Variants in DRC11 observed in about 807,000 individuals in gnomAD.
The protein encoded by DRC11 is dynein regulatory complex subunit 11, also known as IQ and AAA domain-containing protein 1.
At chr2:236,464,110 G>A in the DRC11 span, among the ~76,000 whole-genome samples, 2 of 152,226 alleles carry the variant, frequency 1.3e-5, no homozygotes, top group Non-Finnish European at 2.9e-5. Context: ...AAGGTGAGCA[G>A]GATGAAAGTG....
the DRC11 span, chr2:236,419,018 T>C: frequency 1.3e-5 from 18 of 1,349,396 alleles, no homozygotes; most frequent in South Asian, 1.9e-5. The surrounding 1 kb of genome is among the most constrained non-coding windows in gnomAD (Gnocchi z 4.8). Context: ...TGTTGGTAGA[T>C]AACATGGTTT....
chr2:236,381,236 C>T, the DRC11 span, among the ~76,000 whole-genome samples: 7 of 152,270 alleles, frequency 4.6e-5, no homozygotes, highest in South Asian at 2.1e-4. The surrounding 1 kb of genome is among the most constrained non-coding windows in gnomAD (Gnocchi z 5.8). Context: ...ACTTCGAGTC[C>T]GCTGGTGTCT....
chr2:236,372,718 T>C, the DRC11 span, among the ~76,000 whole-genome samples: 1 of 152,172 alleles, frequency 6.6e-6, no homozygotes, highest in African/African-American at 2.4e-5. The surrounding 1 kb of genome is among the most constrained non-coding windows in gnomAD (Gnocchi z 4.5). Flanking sequence ...CAAGCGCTCC[T>C]CCTGCCTCAG....
the DRC11 span, among the ~76,000 whole-genome samples, chr2:236,389,098 G>A: frequency 6.6e-6 from 1 of 152,332 alleles, no homozygotes; most frequent in Non-Finnish European, 1.5e-5. Context: ...GTCTGCAGAG[G>A]TTACTGCTGT....
the DRC11 span, chr2:236,419,255 A>G: frequency 2.6e-6 from 4 of 1,535,606 alleles, no homozygotes; most frequent in Admixed American, 8.5e-5. The surrounding 1 kb of genome is among the most constrained non-coding windows in gnomAD (Gnocchi z 4.8). Flanking sequence ...TTGGTTTGCT[A>G]TGATATCCTC....
the DRC11 span, among the ~76,000 whole-genome samples, chr2:236,466,078 T>C: frequency 6.6e-6 from 1 of 152,166 alleles, no homozygotes; most frequent in Non-Finnish European, 1.5e-5. Context: ...GTTTTTTATC[T>C]AACACACTTT....
chr2:236,384,246 T>C, the DRC11 span, among the ~76,000 whole-genome samples: 2 of 152,096 alleles, frequency 1.3e-5, no homozygotes, highest in Admixed American at 1.3e-4. Context: ...CCACACTGAC[T>C]TCCACAATGG....
At chr2:236,358,220 T>C in the DRC11 span, among the ~76,000 whole-genome samples, 6 of 129,694 alleles carry the variant, frequency 4.6e-5, no homozygotes, top group African/African-American at 1.5e-4. Flanking sequence ...GAATATATTA[T>C]ATACTGTATG....
chr2:236,406,913 T>C, the DRC11 span, among the ~76,000 whole-genome samples: 1 of 152,040 alleles, frequency 6.6e-6, no homozygotes, highest in Admixed American at 6.6e-5. This position sits in a 1 kb window ranked among gnomAD's most constrained non-coding sequence, Gnocchi z 4.7. Context: ...GCCTGGCTAA[T>C]TTTTTGTATA....
chr2:236,420,650 A>C, the DRC11 span, among the ~76,000 whole-genome samples: 5 of 152,264 alleles, frequency 3.3e-5, no homozygotes, highest in Admixed American at 1.3e-4. This position sits in a 1 kb window ranked among gnomAD's most constrained non-coding sequence, Gnocchi z 4.8. Flanking sequence ...TACAAAAAAA[A>C]ACACAAAACA....
the DRC11 span, among the ~76,000 whole-genome samples, chr2:236,334,949 G>A: frequency 2.0e-5 from 3 of 152,176 alleles, no homozygotes; most frequent in Admixed American, 2.0e-4. The surrounding 1 kb of genome is among the most constrained non-coding windows in gnomAD (Gnocchi z 7.8). Context: ...CTGGGGACCA[G>A]ACAGGGCATC....
the DRC11 span, among the ~76,000 whole-genome samples, chr2:236,436,446 C>A: frequency 6.6e-6 from 1 of 151,962 alleles, no homozygotes; most frequent in African/African-American, 2.4e-5. Context: ...CAAACAATTT[C>A]TTTAGTAATT....
At chr2:236,411,591 G>A in the DRC11 span, among the ~76,000 whole-genome samples, 3 of 151,928 alleles carry the variant, frequency 2.0e-5, no homozygotes, top group East Asian at 5.8e-4. Flanking sequence ...AAAGACACAT[G>A]CACATGTATG....
the DRC11 span, among the ~76,000 whole-genome samples, chr2:236,489,004 G>A: frequency 6.0e-5 from 9 of 148,934 alleles, no homozygotes; most frequent in Middle Eastern, 3.5e-3. Flanking sequence ...GCCTGTGTGG[G>A]CTCTGGGTGC....
chr2:236,322,229 CTTTTTTTTTTTTTTT>C, the DRC11 span, among the ~76,000 whole-genome samples: 1 of 98,534 alleles, frequency 1.0e-5, no homozygotes, highest in South Asian at 3.5e-4. Context: ...TTTCTTTCCT[CTTTTTTTTTTTTTTT>C]TTTTTTTTGA....
At chr2:236,424,463 G>A in the DRC11 span, among the ~76,000 whole-genome samples, 3 of 152,036 alleles carry the variant, frequency 2.0e-5, no homozygotes, top group Non-Finnish European at 1.5e-5. Flanking sequence ...TACAGTGAAA[G>A]GTTTCCTCCC....
the DRC11 span, among the ~76,000 whole-genome samples, chr2:236,334,770 A>C: frequency 6.6e-6 from 1 of 152,076 alleles, no homozygotes; most frequent in South Asian, 2.1e-4. The surrounding 1 kb of genome is among the most constrained non-coding windows in gnomAD (Gnocchi z 7.8). Flanking sequence ...GACCCTCTGA[A>C]GCCTGGAATT....
chr2:236,462,779 T>G, the DRC11 span, among the ~76,000 whole-genome samples: 7 of 152,176 alleles, frequency 4.6e-5, no homozygotes, highest in African/African-American at 2.4e-5. This position sits in a 1 kb window ranked among gnomAD's most constrained non-coding sequence, Gnocchi z 6.4. Context: ...TACAGTCAGA[T>G]GCAGTAAGGA....
the DRC11 span, among the ~76,000 whole-genome samples, chr2:236,490,939 A>T: frequency 2.6e-4 from 35 of 136,310 alleles, no homozygotes; most frequent in Middle Eastern, 3.7e-3. This position sits in a 1 kb window ranked among gnomAD's most constrained non-coding sequence, Gnocchi z 5.5. Flanking sequence ...TATATATATG[A>T]GTGTGTATAT....
Sources: gnomAD v4.1 joint callset for allele counts (sites outside exome capture counted in the v4.1 genomes callset) on GRCh38, gnomAD v4.1.1 for gene constraint, Gnocchi (gnomAD v3.1) non-coding constraint, MANE v1.5 for transcripts, NCBI Gene and HGNC (gene_info 2026-07-23, HGNC 2026-07-21) for gene names.